Variants in PTPRG observed in about 807,000 individuals in gnomAD.
PTPRG encodes the protein protein tyrosine phosphatase receptor type G.
Under a neutral mutation model 165.3 loss-of-function variants are expected in PTPRG, and 102 were observed. The observed-to-expected ratio is 0.62, with a 90% CI of 0.53 to 0.73. The LOEUF is 0.73. Among genes scored for constraint, PTPRG ranks in the 30% least tolerant of loss-of-function variants. The pLI is 0.00. For missense variants in PTPRG, 1,866 were observed against 1,861.4 expected (o/e 1.00, Z -0.05); for synonymous variants, 675 against 669.5 (o/e 1.01, Z -0.13).
chr3:61,971,952 G>A (rs980683543), intron 2 of PTPRG, among the ~76,000 whole-genome samples: 2 of 152,250 alleles, frequency 1.3e-5, no homozygotes, highest in Non-Finnish European at 2.9e-5. Context: ...TGTGTATGCA[G>A]CAATGCATAT....
intron 4 of PTPRG, among the ~76,000 whole-genome samples, chr3:62,013,506 T>C (rs2041473270): frequency 1.3e-5 from 2 of 152,254 alleles, no homozygotes; most frequent in Admixed American, 6.5e-5. Flanking sequence ...GCAGAGGGAC[T>C]ATAGTTAATA....
intron 6 of PTPRG, among the ~76,000 whole-genome samples, chr3:62,155,611 T>G (rs1704505845): frequency 6.6e-6 from 1 of 152,242 alleles, no homozygotes; most frequent in Non-Finnish European, 1.5e-5. Context: ...GAATAGTGCC[T>G]GGCATATAGG....
intron 2 of PTPRG, among the ~76,000 whole-genome samples, chr3:61,938,190 T>C (rs1365724999): frequency 6.6e-6 from 1 of 152,020 alleles, no homozygotes; most frequent in South Asian, 2.1e-4. Context: ...AGCTTTAACA[T>C]GTATGTTTGT....
At position 62,170,695 on chromosome 3, in the gene PTPRG, T is replaced by G. The variant is rs1395825492; in HGVS notation, c.1033+2532T>G. On this transcript the variant is annotated intron_variant, in intron 8 of 29. Coordinates refer to ENST00000474889, the MANE Select transcript of PTPRG (RefSeq NM_002841.4). ...TTATCATAGTGCTCGTTGCTGACTCTTTAAGACATGGGAATATTAAAATGT... is the reference window on the plus strand; with the variant it reads ...TTATCATAGTGCTCGTTGCTGACTCGTTAAGACATGGGAATATTAAAATGT... 3.9e-5 allele frequency among the ~76,000 whole-genome samples: 6 copies of G among 152,308 alleles called. 1 individual carries two copies. The East Asian group carries it at 1.2e-3, about 29-fold the overall frequency.
intron 2 of PTPRG, among the ~76,000 whole-genome samples, chr3:61,884,388 A>G (rs1366085346): frequency 2.0e-5 from 3 of 152,192 alleles, no homozygotes; most frequent in African/African-American, 7.2e-5. Flanking sequence ...CAGGGAATTG[A>G]GTCTGGTGGG....
At chr3:61,648,558 G>C (rs1702266842) in intron 1 of PTPRG, among the ~76,000 whole-genome samples, 1 of 152,154 alleles carries the variant, frequency 6.6e-6, no homozygotes, top group Non-Finnish European at 1.5e-5. Flanking sequence ...TTCATTTTTT[G>C]TTGGCAGCTA....
At chr3:61,863,023 C>T (rs1360967119) in intron 2 of PTPRG, among the ~76,000 whole-genome samples, 1 of 151,044 alleles carries the variant, frequency 6.6e-6, no homozygotes, top group Non-Finnish European at 1.5e-5. Context: ...TCTATGAGGG[C>T]GAACTGTAAG....
intron 1 of PTPRG, among the ~76,000 whole-genome samples, chr3:61,564,701 G>A (rs1192428740): frequency 6.6e-6 from 1 of 152,194 alleles, no homozygotes; most frequent in Admixed American, 6.5e-5. Flanking sequence ...CGAGGTTGCC[G>A]CGACGCCGCT....
chr3:62,157,936 A>G (rs1426974728), intron 7 of PTPRG, among the ~76,000 whole-genome samples: 1 of 152,240 alleles, frequency 6.6e-6, no homozygotes, highest in Non-Finnish European at 1.5e-5. Flanking sequence ...ATAGAACATC[A>G]TGGCGTGGAG....
chr3:62,292,705 A>G (rs1048878709), intron 29 of PTPRG, 149 bp downstream of exon 29: 11 of 804,376 alleles, frequency 1.4e-5, no homozygotes, highest in Non-Finnish European at 1.9e-5. Flanking sequence ...TCACAACTGC[A>G]GATGGATGGC....
intron 2 of PTPRG, among the ~76,000 whole-genome samples, chr3:61,820,613 T>G (rs1405253020): frequency 2.0e-5 from 3 of 147,164 alleles, no homozygotes; most frequent in African/African-American, 7.6e-5. Context: ...GTTTTTTTTT[T>G]TTTTTTTTTT....
intron 1 of PTPRG, among the ~76,000 whole-genome samples, chr3:61,692,312 G>A (rs1359040504): frequency 6.6e-6 from 1 of 152,082 alleles, no homozygotes; most frequent in Non-Finnish European, 1.5e-5. Context: ...CTTTGAGCTG[G>A]GGTTTTTCAG....
chr3:61,584,494 A>G (rs993898085), intron 1 of PTPRG, among the ~76,000 whole-genome samples: 8 of 151,994 alleles, frequency 5.3e-5, no homozygotes, highest in Non-Finnish European at 1.0e-4. Context: ...CTTAAAATCA[A>G]TACGAAGCAA....
rs76709020 is a variant in PTPRG at position 61,906,603 on chromosome 3, C to A, written c.191-83022C>A. Among the ~76,000 whole-genome samples, 97 of 152,182 alleles carry A rather than the reference C, an allele frequency of 6.4e-4. No homozygotes were observed. In the East Asian group the frequency reaches 7.7e-3, roughly 12 times the overall value. On this transcript the variant is annotated intron_variant, in intron 2 of 29. Transcript: ENST00000474889. Reference sequence around the variant, plus strand: ...TGGGCAACATAGGTAGACCCCATTTCTCCAAATAAAAAGTAAAAAATAAAA... The same window carrying A: ...TGGGCAACATAGGTAGACCCCATTTATCCAAATAAAAAGTAAAAAATAAAA...
intron 5 of PTPRG, among the ~76,000 whole-genome samples, chr3:62,100,265 C>T (rs551740326): frequency 7.9e-5 from 12 of 152,270 alleles, no homozygotes; most frequent in African/African-American, 2.6e-4. Flanking sequence ...ACCCAATTCT[C>T]AGCTCTGGTG....
At chr3:62,268,593 A>C (rs1701961133) in intron 19 of PTPRG, among the ~76,000 whole-genome samples, 1 of 152,154 alleles carries the variant, frequency 6.6e-6, no homozygotes, top group Non-Finnish European at 1.5e-5. Context: ...TCACTGTTTT[A>C]CTTTTGATGA....
intron 4 of PTPRG, among the ~76,000 whole-genome samples, chr3:62,074,777 A>G (rs1404259507): frequency 6.6e-6 from 1 of 152,126 alleles, no homozygotes; most frequent in Non-Finnish European, 1.5e-5. Context: ...TGGGATCTAG[A>G]GCCCAGAATG....
chr3:62,057,630 C>G (rs1170090554), intron 4 of PTPRG, among the ~76,000 whole-genome samples: 1 of 152,210 alleles, frequency 6.6e-6, no homozygotes, highest in African/African-American at 2.4e-5. Flanking sequence ...ATAACTCTGC[C>G]AGAGCAGTGC....
intron 5 of PTPRG, among the ~76,000 whole-genome samples, chr3:62,116,111 C>G (rs1475766323): frequency 6.6e-6 from 1 of 152,132 alleles, no homozygotes; most frequent in Non-Finnish European, 1.5e-5. Context: ...GGTTAAGTTA[C>G]TTGCCCAAAG....
Sources: allele counts gnomAD v4.1 joint callset (sites outside exome capture counted in the v4.1 genomes callset), GRCh38; gene constraint gnomAD v4.1.1; transcripts MANE v1.5; gene names NCBI Gene and HGNC (gene_info 2026-07-23, HGNC 2026-07-21).